Variants in AIG1 observed in about 807,000 individuals in gnomAD.
AIG1 encodes androgen-induced gene 1 protein.
AIG1 carries 23 observed loss-of-function variants against 31.4 expected under a neutral mutation model. That is an observed-to-expected ratio of 0.73 (90% CI 0.53 to 1.04). AIG1 has a LOEUF of 1.04. Among genes scored for constraint, AIG1 ranks in the 50% least tolerant of loss-of-function variants. The pLI is 0.00. For missense variants in AIG1, 274 were observed against 295.0 expected (o/e 0.93, Z 0.52); for synonymous variants, 100 against 110.5 (o/e 0.90, Z 0.60).
At chr6:143,066,088 A>G (rs1347897634) in intron 1 of AIG1, among the ~76,000 whole-genome samples, 1 of 152,188 alleles carries the variant, frequency 6.6e-6, no homozygotes, top group Non-Finnish European at 1.5e-5. Context: ...GGGAGCCTGT[A>G]AGAAATGTGG....
intron 4 of AIG1, among the ~76,000 whole-genome samples, chr6:143,306,424 G>T (rs1052013414): frequency 3.9e-5 from 6 of 151,964 alleles, no homozygotes; most frequent in Non-Finnish European, 2.9e-5. Flanking sequence ...AGGCCTGGTG[G>T]TGACAAAATC....
intron 2 of AIG1, among the ~76,000 whole-genome samples, chr6:143,163,774 C>T (rs1337931513): frequency 6.6e-6 from 1 of 152,192 alleles, no homozygotes; most frequent in Non-Finnish European, 1.5e-5. Flanking sequence ...ATCCTAATCC[C>T]TTTCTTTTCC....
intron 4 of AIG1, among the ~76,000 whole-genome samples, chr6:143,301,113 T>C (rs1390880847): frequency 6.6e-6 from 1 of 152,330 alleles, no homozygotes; most frequent in East Asian, 1.9e-4. Context: ...TATTGGGAGA[T>C]GGCCATAAGT....
intron 2 of AIG1, among the ~76,000 whole-genome samples, chr6:143,148,827 AAAAG>A (rs1490904034): frequency 1.3e-5 from 2 of 152,070 alleles, no homozygotes; most frequent in Admixed American, 6.5e-5. Context: ...TCCAAAAAAA[AAAAG>A]AGAGAGAGAG....
intron 2 of AIG1, among the ~76,000 whole-genome samples, chr6:143,148,534 C>T (rs1784898882): frequency 2.0e-5 from 3 of 151,550 alleles, no homozygotes; most frequent in Admixed American, 6.6e-5. Context: ...AGCAAAACAA[C>T]TGTATTAGGG....
At chr6:143,184,407 G>A (rs1042967388) in intron 3 of AIG1, among the ~76,000 whole-genome samples, 1 of 152,184 alleles carries the variant, frequency 6.6e-6, no homozygotes, top group Non-Finnish European at 1.5e-5. Context: ...TACCCCGTGG[G>A]CATCACATTC....
rs574040136 is a variant in AIG1, at chr6:143,131,613, A to G, written c.142-5222A>G. 3.0e-4 allele frequency among the ~76,000 whole-genome samples: 46 copies of G among 152,368 alleles called. 1 individual carries two copies. The South Asian group carries it at 9.1e-3, about 30-fold the overall frequency. ...CATGTACAAGGACTGGAGAACAGAC[A>G]CAAGGAGCCGAGAGTGACCCTAGCC... On this transcript the variant is annotated intron_variant, in intron 1 of 5. Coordinates refer to ENST00000357847, the MANE Select transcript of AIG1 (RefSeq NM_016108.4).
intron 1 of AIG1, among the ~76,000 whole-genome samples, chr6:143,124,382 C>A (rs1369410901): frequency 6.6e-6 from 1 of 152,162 alleles, no homozygotes; most frequent in Admixed American, 6.5e-5. Context: ...GACTTCACAG[C>A]CCCAGCCTGT....
At chr6:143,183,006 A>G (rs1788877176) in intron 3 of AIG1, among the ~76,000 whole-genome samples, 1 of 152,222 alleles carries the variant, frequency 6.6e-6, no homozygotes, top group African/African-American at 2.4e-5. Context: ...GTTCCCAGAA[A>G]GGGTCTTTTT....
At position 143,334,140 on chromosome 6, in the gene AIG1, T is replaced by C; in HGVS notation, c.679+695T>C. ...CTGTGCAAAACCTGTCCAAAGTGTA[T>C]GTACAATAACATAAAAATTGAAAGG... On this transcript the variant is annotated intron_variant, in intron 5 of 5. Coordinates refer to ENST00000357847, the MANE Select transcript of AIG1 (RefSeq NM_016108.4). This position sits in a 1 kb window ranked among gnomAD's most constrained non-coding sequence, Gnocchi z 5.1. 2 of 1,539,294 alleles carry C rather than the reference T, an allele frequency of 1.3e-6. No individual in the cohort carries two copies.
At position 143,293,178 on chromosome 6, in the gene AIG1, G is replaced by A. The variant is rs1798169304; in HGVS notation, c.515+8953G>A. Among the ~76,000 whole-genome samples the A allele has an allele frequency of 6.6e-6, 1 of 152,120 alleles. No individual in the cohort carries two copies. The highest frequency in any genetic ancestry group is 6.5e-5 in the Admixed American group (1 of 15,274). ...CTGAATGCCTGCAGAGACCCTAGGA[G>A]AAAGGCTCATTTTCTTTTTTTCTCT... On this transcript the variant is annotated intron_variant, in intron 4 of 5. Coordinates refer to ENST00000357847, the MANE Select transcript of AIG1 (RefSeq NM_016108.4). This position sits in a 1 kb window ranked among gnomAD's most constrained non-coding sequence, Gnocchi z 4.8.
rs201745421 is a variant in AIG1, at chr6:143,207,343, T to TA, written c.399+42169dup. Among the ~76,000 whole-genome samples the TA allele has an allele frequency of 3.8e-3, 574 of 151,332 alleles. 6 individuals carry two copies. The highest frequency in any genetic ancestry group is 0.012 in the African/African-American group (510 of 41,370). On this transcript the variant is annotated intron_variant, in intron 3 of 5. Transcript: ENST00000357847. ...TTAGTTTTAGAATTTTCCTTTCCATTAAAAAAAAATCCCTGAAGATTTGTG... is the reference window on the plus strand; with the variant it reads ...TTAGTTTTAGAATTTTCCTTTCCATTAAAAAAAAAATCCCTGAAGATTTGTG...
At chr6:143,303,704 T>C (rs1799014665) in intron 4 of AIG1, among the ~76,000 whole-genome samples, 2 of 150,072 alleles carry the variant, frequency 1.3e-5, no homozygotes, top group Admixed American at 1.3e-4. Context: ...GACTTGGCGA[T>C]GCGGGCTCTT....
intron 1 of AIG1, among the ~76,000 whole-genome samples, chr6:143,090,116 G>C (rs1300468649): frequency 6.6e-6 from 1 of 152,182 alleles, no homozygotes; most frequent in Non-Finnish European, 1.5e-5. Flanking sequence ...GTTTAGAAAG[G>C]ATAGAGAGTT....
chr6:143,155,630 T>C (rs547465376), intron 2 of AIG1, among the ~76,000 whole-genome samples: 15 of 152,152 alleles, frequency 9.9e-5, no homozygotes, highest in Non-Finnish European at 1.9e-4. Context: ...AGAAAACAAG[T>C]GCACCATGAT....
chr6:143,125,823 A>G lies in AIG1; in HGVS notation c.142-11012A>G, dbSNP rs191564529. Reference sequence around the variant, plus strand: ...CTTTCATTCCCAAAGCTGCTTATCTATGTACATTATTTCTGACTGGAAAAC... The same window carrying G: ...CTTTCATTCCCAAAGCTGCTTATCTGTGTACATTATTTCTGACTGGAAAAC... On this transcript the variant is annotated intron_variant, in intron 1 of 5. Coordinates refer to ENST00000357847, the MANE Select transcript of AIG1 (RefSeq NM_016108.4). Among the ~76,000 whole-genome samples the G allele has an allele frequency of 1.2e-4, 18 of 152,290 alleles. 1 individual carries two copies. Among genetic ancestry groups the G allele is most frequent in the Non-Finnish European group, 2.2e-4 (15 of 68,024 alleles).
At chr6:143,255,172 C>G (rs923733438) in intron 3 of AIG1, among the ~76,000 whole-genome samples, 6 of 152,214 alleles carry the variant, frequency 3.9e-5, no homozygotes, top group East Asian at 1.9e-4. Flanking sequence ...AGGTATGGAA[C>G]AGCAGGGGCC....
chr6:143,302,079 T>A (rs1798864866), intron 4 of AIG1, among the ~76,000 whole-genome samples: 2 of 152,076 alleles, frequency 1.3e-5, no homozygotes, highest in South Asian at 4.2e-4. Context: ...ATGCTGAATC[T>A]TATGAAAGAC....
chr6:143,089,967 T>G (rs954038424), intron 1 of AIG1, among the ~76,000 whole-genome samples: 11 of 152,232 alleles, frequency 7.2e-5, no homozygotes, highest in African/African-American at 2.7e-4. Context: ...TAAGCCAATG[T>G]CTGGCACATA....
Sources: allele counts gnomAD v4.1 joint callset (sites outside exome capture counted in the v4.1 genomes callset), GRCh38; gene constraint gnomAD v4.1.1; non-coding constraint Gnocchi (gnomAD v3.1); transcripts MANE v1.5; gene names NCBI Gene and HGNC (gene_info 2026-07-23, HGNC 2026-07-21).